The following ADCY2 variants were observed in gnomAD, a reference collection of about 807,000 sequenced individuals.
The protein encoded by ADCY2 is adenylate cyclase type 2.
ADCY2 carries 31 observed loss-of-function variants against 125.2 expected under a neutral mutation model. That is an observed-to-expected ratio of 0.25 (90% CI 0.19 to 0.33). The LOEUF is 0.33. Among genes scored for constraint, ADCY2 ranks in the 10% least tolerant of loss-of-function variants. ADCY2 has a pLI of 1.00. For synonymous variants in ADCY2, 512 were observed against 548.4 expected, an observed-to-expected ratio of 0.93 and a Z score of 0.93; for missense variants, 904 against 1,418.2, an observed-to-expected ratio of 0.64 and a Z score of 5.82.
intron 2 of ADCY2, among the ~76,000 whole-genome samples, chr5:7,478,497 C>T (rs1184352951): frequency 6.6e-6 from 1 of 152,092 alleles, no homozygotes; most frequent in Non-Finnish European, 1.5e-5. Context: ...ACTCAAATAT[C>T]TGTTGAATGA....
chr5:7,443,684 G>A (rs1448932974), intron 2 of ADCY2, among the ~76,000 whole-genome samples: 1 of 143,358 alleles, frequency 7.0e-6, no homozygotes, highest in Non-Finnish European at 1.5e-5. Flanking sequence ...ACGTATGTGA[G>A]CACGTACACA....
intron 2 of ADCY2, among the ~76,000 whole-genome samples, chr5:7,477,747 T>C (rs1290953040): frequency 6.6e-6 from 1 of 152,182 alleles, no homozygotes; most frequent in African/African-American, 2.4e-5. Context: ...GAACTAAGTC[T>C]AGAGAATTGA....
intron 4 of ADCY2, among the ~76,000 whole-genome samples, chr5:7,642,374 G>GT (rs1309114041): frequency 6.6e-6 from 1 of 151,996 alleles, no homozygotes; most frequent in Non-Finnish European, 1.5e-5. Flanking sequence ...GGGATTATTT[G>GT]TTTTTTGTTT....
chr5:7,523,069 C>A (rs373531812), intron 3 of ADCY2, among the ~76,000 whole-genome samples: 1 of 152,176 alleles, frequency 6.6e-6, no homozygotes, highest in East Asian at 1.9e-4. Flanking sequence ...TGGAACACAT[C>A]CCTTGTACTT....
At chr5:7,682,402 C>T (rs1190890050) in intron 4 of ADCY2, among the ~76,000 whole-genome samples, 1 of 152,218 alleles carries the variant, frequency 6.6e-6, no homozygotes, top group African/African-American at 2.4e-5. Flanking sequence ...AGGGTCTGGT[C>T]TCCCCTCCCA....
intron 2 of ADCY2, among the ~76,000 whole-genome samples, chr5:7,513,309 A>G (rs1744141589): frequency 6.6e-6 from 1 of 152,200 alleles, no homozygotes. Flanking sequence ...CACAGTTGTG[A>G]TATTTGTATG....
At chr5:7,596,903 C>T (rs1181727982) in intron 3 of ADCY2, among the ~76,000 whole-genome samples, 1 of 152,136 alleles carries the variant, frequency 6.6e-6, no homozygotes, top group African/African-American at 2.4e-5. Flanking sequence ...TCACTTCAAA[C>T]AGGAATTAAG....
At chr5:7,434,143 C>T (rs946690943) in intron 2 of ADCY2, among the ~76,000 whole-genome samples, 1 of 151,926 alleles carries the variant, frequency 6.6e-6, no homozygotes, top group African/African-American at 2.4e-5. Flanking sequence ...AAGAAAAGAC[C>T]CATCCTAATT....
At chr5:7,766,904 G>T in intron 17 of ADCY2, 98 bp downstream of exon 17, 3 of 1,395,958 alleles carry the variant, frequency 2.1e-6, no homozygotes, top group South Asian at 1.8e-5. Context: ...TCTAGACTTT[G>T]CATTTCCTCT....
At chr5:7,747,461 C>T (rs994438958) in intron 15 of ADCY2, among the ~76,000 whole-genome samples, 2 of 152,154 alleles carry the variant, frequency 1.3e-5, no homozygotes, top group Admixed American at 1.3e-4. Flanking sequence ...TGGAGGCCAA[C>T]CTTTCTCAAG....
intron 2 of ADCY2, among the ~76,000 whole-genome samples, chr5:7,463,321 C>T (rs1741981195): frequency 1.3e-5 from 2 of 152,144 alleles, no homozygotes; most frequent in African/African-American, 4.8e-5. Flanking sequence ...ATTACACAGT[C>T]ATGAAGAGGA....
At chr5:7,589,512 A>AAGG (rs1736772141) in intron 3 of ADCY2, among the ~76,000 whole-genome samples, 1 of 71,276 alleles carries the variant, frequency 1.4e-5, no homozygotes, top group Non-Finnish European at 3.5e-5. Flanking sequence ...GAAAGAAAGA[A>AAGG]AAGAAAAGAA....
At chr5:7,645,710 T>C (rs1738872982) in intron 4 of ADCY2, among the ~76,000 whole-genome samples, 1 of 152,194 alleles carries the variant, frequency 6.6e-6, no homozygotes, top group Non-Finnish European at 1.5e-5. Flanking sequence ...ATGCTCCCCT[T>C]ATGAGCCTGA....
At chr5:7,549,771 C>T (rs536371990) in intron 3 of ADCY2, among the ~76,000 whole-genome samples, 1 of 152,252 alleles carries the variant, frequency 6.6e-6, no homozygotes, top group African/African-American at 2.4e-5. Flanking sequence ...AGATGCAGTC[C>T]CCCGACAAGA....
chr5:7,501,742 CT>C (rs1199448979), intron 2 of ADCY2, among the ~76,000 whole-genome samples: 1 of 143,486 alleles, frequency 7.0e-6, no homozygotes, highest in African/African-American at 2.6e-5. Flanking sequence ...AGAGGGCTCA[CT>C]TGGCCTTGAG....
At chr5:7,425,335 C>T (rs17227510) in intron 2 of ADCY2, among the ~76,000 whole-genome samples, 35,978 of 152,200 alleles carry the variant, frequency 0.24, 5,095 homozygotes, top group Non-Finnish European at 0.32. Flanking sequence ...TCTGCATCAT[C>T]TCCCTTGTGT....
At chr5:7,414,189 A>G (rs896991469) in intron 1 of ADCY2, among the ~76,000 whole-genome samples, 4 of 152,222 alleles carry the variant, frequency 2.6e-5, no homozygotes, top group African/African-American at 9.6e-5. Flanking sequence ...CATTTGCAAG[A>G]TAGTTTTCTA....
At chr5:7,721,592 T>C (rs1741761664) in intron 12 of ADCY2, among the ~76,000 whole-genome samples, 1 of 152,238 alleles carries the variant, frequency 6.6e-6, no homozygotes, top group South Asian at 2.1e-4. Context: ...AAGGAAGGGA[T>C]CCTGTTTCAG....
rs538277948 is a variant in ADCY2, at chr5:7,511,634, A to G, written c.409-9104A>G. Reference sequence around the variant, plus strand: ...AAAGAAAACGAGGGGTTTTTTAGATAGGGAGATCAGGGGGATTCTCTCTGG... The same window carrying G: ...AAAGAAAACGAGGGGTTTTTTAGATGGGGAGATCAGGGGGATTCTCTCTGG... On this transcript the variant is annotated intron_variant, in intron 2 of 24. Transcript: ENST00000338316. 3.9e-5 allele frequency among the ~76,000 whole-genome samples: 6 copies of G among 152,068 alleles called. No homozygotes were observed. In the East Asian group the frequency reaches 1.2e-3, roughly 29 times the overall value.
Sources: gnomAD v4.1 joint callset for allele counts (sites outside exome capture counted in the v4.1 genomes callset) on GRCh38, gnomAD v4.1.1 for gene constraint, MANE v1.5 for transcripts, NCBI Gene and HGNC (gene_info 2026-07-23, HGNC 2026-07-21) for gene names.